The following RREB1 variants were observed in gnomAD, a reference collection of about 807,000 sequenced individuals.
The protein encoded by RREB1 is ras responsive element binding protein 1.
A neutral mutation model predicts 117.8 loss-of-function variants in RREB1; 27 were observed. The ratio of observed to expected loss-of-function variants is 0.23; its 90% CI spans 0.17 to 0.32. The LOEUF is 0.32. Among genes scored for constraint, RREB1 ranks in the 10% least tolerant of loss-of-function variants. The pLI is 1.00. For missense variants in RREB1, 2,577 were observed against 2,378.2 expected (o/e 1.08, Z -1.74); for synonymous variants, 1,298 against 1,026.7 (o/e 1.26, Z -5.05).
Position 7,231,826 on chromosome 6 carries a change from C to T in RREB1, c.3727C>T (p.Leu1243=). Residue 1243 remains leucine, a synonymous_variant, in exon 10 of 13, where the codon CTG becomes TTG. Transcript: ENST00000379938. ...RAKRNSYTNC[L]QKITCPHCPR... is the part of the protein sequence containing the mutation. ...CAAGCGGAACTCGTACACCAACTGC[C>T]TGCAGAAGATCACCTGTCCCCACTG... is the stretch of plus-strand genomic sequence containing the variant. The T allele has an allele frequency of 1.9e-6, 3 of 1,613,780 alleles. No homozygotes were observed. The South Asian group carries it at 3.3e-5, about 18-fold the overall frequency.
intron 10 of RREB1, 125 bp downstream of exon 10, chr6:7,232,032 G>C (rs753403258): frequency 1.5e-5 from 15 of 986,412 alleles, no homozygotes; most frequent in Non-Finnish European, 1.9e-5. Context: ...CTTCTTCCCC[G>C]GTCTCCGAAG....
intron 1 of RREB1, among the ~76,000 whole-genome samples, chr6:7,160,357 ATTATAC>A (rs923331736): frequency 6.6e-6 from 1 of 152,206 alleles, no homozygotes; most frequent in African/African-American, 2.4e-5. Context: ...GTGACATCAA[ATTATAC>A]TTAAAAAAGC....
At chr6:7,248,356 A>T (rs565975207) in intron 12 of RREB1, among the ~76,000 whole-genome samples, 155 bp from the exon 13 acceptor site, 1 of 152,300 alleles carries the variant, frequency 6.6e-6, no homozygotes, top group South Asian at 2.1e-4. Context: ...GTCCGTCCTC[A>T]GTTTGCTGGT....
intron 1 of RREB1, among the ~76,000 whole-genome samples, chr6:7,131,008 G>C (rs1421331393): frequency 6.9e-6 from 1 of 144,186 alleles, no homozygotes; most frequent in African/African-American, 2.6e-5. Flanking sequence ...GCGCGATCTC[G>C]GCTCACTGCA....
chr6:7,149,263 C>G (rs1172693708), intron 1 of RREB1, among the ~76,000 whole-genome samples: 1 of 151,976 alleles, frequency 6.6e-6, no homozygotes, highest in Non-Finnish European at 1.5e-5. Flanking sequence ...ATATTTATCA[C>G]CAAAAGAATA....
chr6:7,209,100 A>G (rs377513811), intron 6 of RREB1, among the ~76,000 whole-genome samples: 227 of 152,342 alleles, frequency 1.5e-3, no homozygotes, highest in Non-Finnish European at 2.9e-3. Context: ...TCTTTCATAA[A>G]TCCCAAGAAC....
intron 1 of RREB1, among the ~76,000 whole-genome samples, chr6:7,147,867 A>T (rs1272106194): frequency 6.6e-6 from 1 of 152,190 alleles, no homozygotes; most frequent in Non-Finnish European, 1.5e-5. Flanking sequence ...AAAAAAAAAA[A>T]AGTTTGTGTT....
Position 7,230,936 on chromosome 6 carries a change from G to A in RREB1, c.2837G>A (p.Gly946Glu). The A allele has an allele frequency of 1.9e-6, 3 of 1,614,012 alleles. No individual in the cohort carries two copies. Among genetic ancestry groups the A allele is most frequent in the Admixed American group, 1.7e-5 (1 of 60,006 alleles). Reference protein sequence around the residue: ...DLSIPKNFRKGDKDLATPSEA... With the variant: ...DLSIPKNFRKEDKDLATPSEA... The stretch of plus-strand genomic sequence containing the variant: ...TCCATCCCCAAGAACTTCAGGAAAG[G>A]GGACAAGGATTTGGCCACTCCCAGC... Residue 946 changes from glycine (G) to glutamate (E), a missense_variant, in exon 10 of 13, where the codon GGG becomes GAG. Gly to Glu is a moderately conservative substitution (Grantham distance 98, BLOSUM62 -2). Transcript: ENST00000379938.
At position 7,226,505 on chromosome 6, in the gene RREB1, G is replaced by A; in HGVS notation, c.746G>A (p.Gly249Glu). ...ICCVTFRTHR[G>E]LLRHNALVHK... Reference sequence around the variant, plus strand: ...TGTGTCACCTTTCGAACACATCGAGGACTGCTGCGTCACAACGCGCTTGTC... The same window carrying A: ...TGTGTCACCTTTCGAACACATCGAGAACTGCTGCGTCACAACGCGCTTGTC... Residue 249 changes from glycine to glutamate, a missense_variant, in exon 9 of 13, where the codon GGA (glycine) becomes GAA (glutamate). Gly to Glu is a moderately conservative substitution (Grantham distance 98, BLOSUM62 -2). Transcript: ENST00000379938. The A allele has an allele frequency of 6.2e-7, 1 of 1,613,964 alleles. No homozygotes were observed. Among genetic ancestry groups the A allele is most frequent in the Non-Finnish European group, 8.5e-7 (1 of 1,179,952 alleles).
At chr6:7,125,167 A>G (rs373205339) in intron 1 of RREB1, among the ~76,000 whole-genome samples, 89 of 152,348 alleles carry the variant, frequency 5.8e-4, no homozygotes, top group African/African-American at 2.1e-3. Flanking sequence ...GGTTTGCAAA[A>G]GTGGTGTTAG....
chr6:7,219,853 G>A (rs576138157), intron 8 of RREB1, among the ~76,000 whole-genome samples: 6 of 152,226 alleles, frequency 3.9e-5, no homozygotes, highest in Non-Finnish European at 5.9e-5. Flanking sequence ...CCTGGGAGTC[G>A]TCTTCCTCCA....
chr6:7,109,880 T>TA (rs1329987211), intron 1 of RREB1, among the ~76,000 whole-genome samples: 1 of 152,002 alleles, frequency 6.6e-6, no homozygotes, highest in East Asian at 1.9e-4. Context: ...AAAGGGTGAA[T>TA]AAAAAAATAT....
intron 11 of RREB1, among the ~76,000 whole-genome samples, chr6:7,244,813 T>C (rs1768910820): frequency 6.6e-6 from 1 of 152,180 alleles, no homozygotes; most frequent in Admixed American, 6.5e-5. Flanking sequence ...AGGTACTGTC[T>C]CCTCAGACCT....
At chr6:7,143,355 C>CA (rs2113395489) in intron 1 of RREB1, among the ~76,000 whole-genome samples, 1 of 152,300 alleles carries the variant, frequency 6.6e-6, no homozygotes, top group Non-Finnish European at 1.5e-5. Context: ...GAGGCAGTGT[C>CA]ACAGGTAATC....
intron 11 of RREB1, among the ~76,000 whole-genome samples, chr6:7,240,897 C>T (rs1581590983): frequency 6.6e-6 from 1 of 152,002 alleles, no homozygotes. Flanking sequence ...CCTTTGTTCC[C>T]GATGTTGGGA....
At chr6:7,247,447 G>A (rs972797032) in intron 12 of RREB1, among the ~76,000 whole-genome samples, 6 of 152,100 alleles carry the variant, frequency 3.9e-5, no homozygotes, top group Non-Finnish European at 8.8e-5. Flanking sequence ...CTTGGCCGTT[G>A]TGTTTTTGAG....
At chr6:7,190,489 C>G (rs1765346134) in intron 6 of RREB1, among the ~76,000 whole-genome samples, 1 of 152,086 alleles carries the variant, frequency 6.6e-6, no homozygotes, top group African/African-American at 2.4e-5. Flanking sequence ...ATATCTCAGT[C>G]TAAACTCTTA....
Position 7,240,600 on chromosome 6 carries a change from C to A in RREB1, c.3971C>A (p.Thr1324Lys), listed in dbSNP as rs751286003. The A allele has an allele frequency of 1.2e-6, 2 of 1,608,650 alleles. No individual in the cohort carries two copies. The highest frequency in any genetic ancestry group is 4.5e-5 in the East Asian group (2 of 44,754). ...KESDVGSHDSTDSQSDAETAA... is the reference protein window; with the variant it reads ...KESDVGSHDSKDSQSDAETAA... ...AGTGATGTTGGATCCCATGATAGCACAGGTAGTGCCGCCAGGTGAACAAGA... is the reference window on the plus strand; with the variant it reads ...AGTGATGTTGGATCCCATGATAGCAAAGGTAGTGCCGCCAGGTGAACAAGA... Residue 1324 changes from threonine to lysine, a missense_variant and splice_region_variant, in exon 11 of 13, where the codon ACA (threonine) becomes AAA (lysine). Thr to Lys is a moderately conservative substitution (Grantham distance 78). Coordinates refer to ENST00000379938, the MANE Select transcript of RREB1 (RefSeq NM_001003699.4).
Position 7,141,209 on chromosome 6 carries a change from C to T in RREB1, c.-285+33149C>T, listed in dbSNP as rs867079098. ...GGCCATCAGTCAGGGCGGCGGGCGC[C>T]GATTGGCTGGCGGGCTGGCGGGGGC... On this transcript the variant is annotated intron_variant, in intron 1 of 12. Transcript: ENST00000379938. Among the ~76,000 whole-genome samples the T allele has an allele frequency of 2.6e-4, 40 of 151,902 alleles. No individual in the cohort carries two copies. In the Middle Eastern group the frequency reaches 0.01, roughly 39 times the overall value.
Sources: gnomAD v4.1 joint callset for allele counts (sites outside exome capture counted in the v4.1 genomes callset) on GRCh38, gnomAD v4.1.1 for gene constraint, MANE v1.5 for transcripts, NCBI Gene and HGNC (gene_info 2026-07-23, HGNC 2026-07-21) for gene names.